Variants in HS3ST5 observed in about 807,000 individuals in gnomAD.
HS3ST5 encodes the protein heparan sulfate glucosamine 3-O-sulfotransferase 5.
HS3ST5 carries 10 observed loss-of-function variants against 25.4 expected under a neutral mutation model. The ratio of observed to expected loss-of-function variants is 0.39; its 90% CI spans 0.24 to 0.67. The LOEUF is 0.67. Among genes scored for constraint, HS3ST5 ranks in the 30% least tolerant of loss-of-function variants. HS3ST5 has a pLI of 0.44. For synonymous variants in HS3ST5, 170 were observed against 162.4 expected (o/e 1.05, Z -0.36); for missense variants, 324 against 420.7 (o/e 0.77, Z 2.01).
intron 2 of HS3ST5, among the ~76,000 whole-genome samples, chr6:114,209,165 T>A (rs1179630990): frequency 6.6e-6 from 1 of 152,216 alleles, no homozygotes; most frequent in Non-Finnish European, 1.5e-5. Flanking sequence ...TGTTCTTTTT[T>A]ACATTCTGCA....
intron 1 of HS3ST5, among the ~76,000 whole-genome samples, chr6:114,255,710 G>A (rs1348071797): frequency 6.6e-6 from 1 of 151,832 alleles, no homozygotes; most frequent in Non-Finnish European, 1.5e-5. Context: ...TGTGGAAGCT[G>A]CCAAGGCTTG....
intron 2 of HS3ST5, chr6:114,220,848 C>T (rs1171771226): frequency 1.3e-5 from 2 of 151,856 alleles, no homozygotes; most frequent in African/African-American, 4.8e-5. Flanking sequence ...TTTTAAACAA[C>T]TGAGGCTATT....
At position 114,175,776 on chromosome 6, in the gene HS3ST5, T is replaced by C. The variant is rs142306222; in HGVS notation, c.-144-7314A>G. Among the ~76,000 whole-genome samples the C allele has an allele frequency of 2.5e-3, 384 of 152,312 alleles. 4 individuals are homozygous for C. The highest frequency in any genetic ancestry group is 8.8e-3 in the African/African-American group (366 of 41,576). On this transcript the variant is annotated intron_variant, in intron 2 of 4. Transcript: ENST00000312719. Reference sequence around the variant, plus strand: ...GTTATCGTCCACAGCAAAAGTAATATAAAAACAATTGTTATTCCCACATAA... The same window carrying C: ...GTTATCGTCCACAGCAAAAGTAATACAAAAACAATTGTTATTCCCACATAA...
intron 2 of HS3ST5, among the ~76,000 whole-genome samples, chr6:114,206,657 T>C (rs1781288030): frequency 6.6e-6 from 1 of 152,118 alleles, no homozygotes. Context: ...ACTGTGAGGG[T>C]TGAATAAGAA....
rs556088388 is a variant in HS3ST5 at position 114,065,729 on chromosome 6, T to C, written c.-32-2852A>G. On this transcript the variant is annotated intron_variant, in intron 3 of 4. Coordinates refer to ENST00000312719, the MANE Select transcript of HS3ST5 (RefSeq NM_153612.4). ...AGTGTGAGGGAATAAAGCTTGTCTG[T>C]GGCTGAGCTGCAAAGGGAATGGATG... is the stretch of plus-strand genomic sequence containing the variant. Among the ~76,000 whole-genome samples, 5 of 152,362 alleles carry C rather than the reference T, an allele frequency of 3.3e-5. No individual in the cohort carries two copies. The East Asian group carries it at 9.6e-4, about 29-fold the overall frequency.
At chr6:114,250,377 C>G (rs1206621665) in intron 1 of HS3ST5, among the ~76,000 whole-genome samples, 1 of 152,086 alleles carries the variant, frequency 6.6e-6, no homozygotes, top group African/African-American at 2.4e-5. Flanking sequence ...GTCAGAAGAT[C>G]GAGACCATCC....
At chr6:114,326,384 T>C (rs1776177795) in intron 1 of HS3ST5, among the ~76,000 whole-genome samples, 1 of 150,386 alleles carries the variant, frequency 6.6e-6, no homozygotes, top group Non-Finnish European at 1.5e-5. Context: ...AGTGAGACTC[T>C]GTCTCAAACA....
chr6:114,164,565 C>T (rs1779119660), intron 3 of HS3ST5, among the ~76,000 whole-genome samples: 2 of 152,132 alleles, frequency 1.3e-5, no homozygotes, highest in South Asian at 4.1e-4. Context: ...TGACAAAGGA[C>T]ATCTAAAACT....
At chr6:114,236,022 G>A (rs1378571344) in intron 1 of HS3ST5, among the ~76,000 whole-genome samples, 1 of 152,196 alleles carries the variant, frequency 6.6e-6, no homozygotes, top group Non-Finnish European at 1.5e-5. Flanking sequence ...GCCTCCTTGA[G>A]CCAGACTCTC....
chr6:114,091,823 T>A (rs747283074), intron 3 of HS3ST5, among the ~76,000 whole-genome samples: 2 of 152,220 alleles, frequency 1.3e-5, no homozygotes, highest in East Asian at 1.9e-4. Flanking sequence ...ATGATTTTTT[T>A]ATTTTTCTCA....
intron 3 of HS3ST5, among the ~76,000 whole-genome samples, chr6:114,105,767 A>G (rs548883483): frequency 2.2e-4 from 34 of 152,178 alleles, no homozygotes; most frequent in Non-Finnish European, 3.8e-4. Flanking sequence ...GTTTCTACAT[A>G]GCTCTGTGCA....
chr6:114,195,089 TCCA>T (rs1459337857), intron 2 of HS3ST5, among the ~76,000 whole-genome samples: 2 of 152,124 alleles, frequency 1.3e-5, no homozygotes, highest in African/African-American at 4.8e-5. Flanking sequence ...GATTACACAT[TCCA>T]CCACTTTACC....
chr6:114,315,345 C>T (rs534439287), intron 1 of HS3ST5, among the ~76,000 whole-genome samples: 1 of 152,236 alleles, frequency 6.6e-6, no homozygotes, highest in Admixed American at 6.5e-5. Flanking sequence ...GATATATTTT[C>T]AGTCTTCTGC....
intron 3 of HS3ST5, among the ~76,000 whole-genome samples, chr6:114,100,745 AG>A: frequency 6.6e-6 from 1 of 152,204 alleles, no homozygotes; most frequent in Middle Eastern, 3.2e-3. Flanking sequence ...AGTTGTTCTA[AG>A]GGGGTCAAGA....
chr6:114,258,204 T>C (rs190628687), intron 1 of HS3ST5, among the ~76,000 whole-genome samples: 109 of 152,302 alleles, frequency 7.2e-4, no homozygotes, highest in South Asian at 4.8e-3. Flanking sequence ...CTGGGGTGAT[T>C]GTTGTTACCC....
At chr6:114,091,630 G>A (rs977876955) in intron 3 of HS3ST5, among the ~76,000 whole-genome samples, 8 of 152,038 alleles carry the variant, frequency 5.3e-5, no homozygotes, top group African/African-American at 1.9e-4. Flanking sequence ...CTTGCTGTGA[G>A]CCGAGATTGC....
intron 3 of HS3ST5, among the ~76,000 whole-genome samples, chr6:114,145,357 A>G: frequency 6.6e-6 from 1 of 152,208 alleles, no homozygotes; most frequent in East Asian, 1.9e-4. Flanking sequence ...AAAATGGTTT[A>G]GTGTGCTTCG....
intron 2 of HS3ST5, among the ~76,000 whole-genome samples, chr6:114,179,662 T>G (rs1370809109): frequency 1.3e-5 from 2 of 150,944 alleles, no homozygotes; most frequent in African/African-American, 4.9e-5. Flanking sequence ...GGGTTTTTTT[T>G]TTTTTTTTTT....
At chr6:114,335,149 C>G (rs1003709727) in intron 1 of HS3ST5, among the ~76,000 whole-genome samples, 2 of 152,104 alleles carry the variant, frequency 1.3e-5, no homozygotes, top group Admixed American at 6.5e-5. Context: ...GGCTCCACCC[C>G]TTTAGCTCTG....
Sources: allele counts gnomAD v4.1 joint callset (sites outside exome capture counted in the v4.1 genomes callset), GRCh38; gene constraint gnomAD v4.1.1; transcripts MANE v1.5; gene names NCBI Gene and HGNC (gene_info 2026-07-23, HGNC 2026-07-21).